Variants in FRMD4A observed in about 807,000 individuals in gnomAD.
The protein encoded by FRMD4A is FERM domain-containing protein 4A.
In FRMD4A, 29 loss-of-function variants were observed where a neutral mutation model predicts 129.1. The ratio of observed to expected loss-of-function variants is 0.22; its 90% CI spans 0.17 to 0.31. The LOEUF (loss-of-function observed/expected upper bound fraction) is 0.31. Among genes scored for constraint, FRMD4A ranks in the 10% least tolerant of loss-of-function variants. The probability of loss-of-function intolerance (pLI) is 1.00; values close to 1 mark genes in which losing one functional copy is unlikely to be tolerated. For synonymous variants in FRMD4A, 634 were observed against 571.6 expected, an observed-to-expected ratio of 1.11 and a Z score of -1.56; for missense variants, 1,272 against 1,375.8, an observed-to-expected ratio of 0.92 and a Z score of 1.19.
chr10:14,140,056 A>G (rs938908265), intron 2 of FRMD4A, among the ~76,000 whole-genome samples: 1 of 152,040 alleles, frequency 6.6e-6, no homozygotes, highest in East Asian at 1.9e-4. Flanking sequence ...ATTTTATTGT[A>G]CATATTTTAT....
chr10:13,659,251 C>G, intron 21 of FRMD4A, 72 bp downstream of exon 21: 25 of 1,335,710 alleles, frequency 1.9e-5, no homozygotes, highest in Non-Finnish European at 2.6e-5. Flanking sequence ...TTATTTGGGC[C>G]AGCTTGGGGC....
chr10:14,243,757 C>A (rs1298553611), intron 2 of FRMD4A, among the ~76,000 whole-genome samples: 1 of 150,440 alleles, frequency 6.6e-6, no homozygotes. Flanking sequence ...TATGAATGTA[C>A]ATTCACACTG....
chr10:14,061,844 G>C (rs1834830868), intron 2 of FRMD4A, among the ~76,000 whole-genome samples: 1 of 152,194 alleles, frequency 6.6e-6, no homozygotes, highest in African/African-American at 2.4e-5. Context: ...TGAGCCACAG[G>C]AGAAAAGACT....
chr10:14,112,111 T>C (rs1837941326), intron 2 of FRMD4A, among the ~76,000 whole-genome samples: 1 of 152,018 alleles, frequency 6.6e-6, no homozygotes. Flanking sequence ...AAATGCACAA[T>C]TAATTTGAGA....
intron 2 of FRMD4A, among the ~76,000 whole-genome samples, chr10:14,266,499 C>CTG (rs56663050): frequency 0.17 from 25,119 of 150,322 alleles, 2,548 homozygotes; most frequent in African/African-American, 0.29. Flanking sequence ...ATGTTGTGCT[C>CTG]TGTGTGTGTG....
intron 3 of FRMD4A, among the ~76,000 whole-genome samples, chr10:13,851,137 C>A (rs1226044003): frequency 6.6e-6 from 1 of 152,122 alleles, no homozygotes; most frequent in Non-Finnish European, 1.5e-5. Context: ...TCACTTGAAC[C>A]CGGGAGGCAG....
intron 2 of FRMD4A, among the ~76,000 whole-genome samples, chr10:14,147,577 A>T (rs1261699088): frequency 1.3e-5 from 2 of 151,876 alleles, no homozygotes; most frequent in Non-Finnish European, 2.9e-5. Context: ...GGGTGATGGG[A>T]AACAGTGGTG....
chr10:13,885,058 G>C (rs560838549), intron 2 of FRMD4A, among the ~76,000 whole-genome samples: 1 of 152,180 alleles, frequency 6.6e-6, no homozygotes, highest in African/African-American at 2.4e-5. Context: ...AGGTTGGAGA[G>C]GGGGAAATGC....
At chr10:13,765,016 T>G (rs2092229876) in intron 6 of FRMD4A, among the ~76,000 whole-genome samples, 1 of 152,222 alleles carries the variant, frequency 6.6e-6, no homozygotes, top group African/African-American at 2.4e-5. Context: ...GCCAATGTAT[T>G]CTAAGAACAA....
chr10:14,317,304 A>G (rs1281538372), intron 2 of FRMD4A, among the ~76,000 whole-genome samples: 1 of 152,146 alleles, frequency 6.6e-6, no homozygotes, highest in African/African-American at 2.4e-5. Flanking sequence ...CAAATGTCAC[A>G]TAGTTGCTGG....
At chr10:14,008,085 G>A in intron 2 of FRMD4A, 1 of 1,303,542 alleles carries the variant, frequency 7.7e-7, no homozygotes, top group South Asian at 1.2e-5. Context: ...CCTTCTCAGA[G>A]ATCCATAAGG....
At chr10:14,212,521 C>T (rs1052087701) in intron 2 of FRMD4A, among the ~76,000 whole-genome samples, 2 of 152,052 alleles carry the variant, frequency 1.3e-5, no homozygotes, top group East Asian at 1.9e-4. Context: ...CTGTGATGTC[C>T]GCTGCCAGCT....
chr10:13,648,676 C>T (rs561581229), intron 24 of FRMD4A: 2 of 152,286 alleles, frequency 1.3e-5, no homozygotes, highest in South Asian at 2.1e-4. Flanking sequence ...CCCAGCCAGC[C>T]CGGGCTCCAG....
intron 3 of FRMD4A, among the ~76,000 whole-genome samples, chr10:13,857,334 C>T (rs754682616): frequency 5.9e-5 from 9 of 151,290 alleles, no homozygotes; most frequent in South Asian, 2.1e-4. Context: ...AAAATGTTAG[C>T]GAAAGACAAT....
intron 3 of FRMD4A, among the ~76,000 whole-genome samples, chr10:13,834,977 C>T (rs779069549): frequency 2.6e-5 from 4 of 152,226 alleles, no homozygotes; most frequent in East Asian, 1.9e-4. Flanking sequence ...GCAGCGTGCA[C>T]GGAAAACATG....
At chr10:13,902,518 C>A (rs1239638535) in intron 2 of FRMD4A, among the ~76,000 whole-genome samples, 1 of 137,764 alleles carries the variant, frequency 7.3e-6, no homozygotes, top group Non-Finnish European at 1.6e-5. Flanking sequence ...ACTGAGCCAA[C>A]ATGAGAATCC....
At chr10:13,930,912 A>G (rs939448128) in intron 2 of FRMD4A, among the ~76,000 whole-genome samples, 7 of 152,032 alleles carry the variant, frequency 4.6e-5, no homozygotes, top group African/African-American at 1.4e-4. Context: ...AGCTTACTGC[A>G]GCCCCAAAAT....
chr10:13,706,845 C>G (rs1336757027), intron 13 of FRMD4A, among the ~76,000 whole-genome samples, 192 bp downstream of exon 13: 1 of 151,360 alleles, frequency 6.6e-6, no homozygotes, highest in South Asian at 2.1e-4. Context: ...ACGTGCGAAC[C>G]CACTGCATTT....
chr10:14,181,329 T>C (rs1280107966), intron 2 of FRMD4A, among the ~76,000 whole-genome samples: 1 of 152,192 alleles, frequency 6.6e-6, no homozygotes, highest in African/African-American at 2.4e-5. Context: ...TAAGTACTTT[T>C]GTCAAGAGGG....
Sources: gnomAD v4.1 joint callset for allele counts (sites outside exome capture counted in the v4.1 genomes callset) on GRCh38, gnomAD v4.1.1 for gene constraint, MANE v1.5 for transcripts, NCBI Gene and HGNC (gene_info 2026-07-23, HGNC 2026-07-21) for gene names.